EPG5: variants seen among roughly 807,000 people sequenced by gnomAD.
EPG5 encodes ectopic P granules protein 5 homolog.
EPG5 carries 159 observed loss-of-function variants against 302.7 expected under a neutral mutation model. The ratio of observed to expected loss-of-function variants is 0.53; its 90% CI spans 0.46 to 0.60. The LOEUF (loss-of-function observed/expected upper bound fraction) is 0.60. Ranked by LOEUF, EPG5 falls within the 20% of genes least tolerant of loss-of-function variation. The probability of loss-of-function intolerance (pLI) is 0.00; values close to 1 mark genes in which losing one functional copy is unlikely to be tolerated. For synonymous variants in EPG5, 1,158 were observed against 1,136.8 expected, an observed-to-expected ratio of 1.02 and a Z score of -0.37; for missense variants, 2,896 against 3,092.4, an observed-to-expected ratio of 0.94 and a Z score of 1.51.
Position 45,852,546 on chromosome 18 carries a change from A to G in EPG5, c.7661T>C (p.Leu2554Pro). The G allele has an allele frequency of 6.2e-7, 1 of 1,614,194 alleles. No individual in the cohort carries two copies. Among genetic ancestry groups the G allele is most frequent in the Middle Eastern group, 1.6e-4 (1 of 6,062 alleles). ...TQFIRHPGHC[L>P]QDGKSFLALL... ...AGCCAAGAAGCTTTTCCCATCTTGA[A>G]GGCAATGGCCAGGATGCCTTATAAA... is the stretch of plus-strand genomic sequence containing the variant. Residue 2554 changes from leucine to proline, a missense_variant, in exon 44 of 44, where the codon CTT becomes CCT. Coordinates refer to ENST00000282041, the MANE Select transcript of EPG5 (RefSeq NM_020964.3).
chr18:45,845,755 C>T (rs980833667), downstream of EPG5, among the ~76,000 whole-genome samples: 1 of 152,164 alleles, frequency 6.6e-6, no homozygotes, highest in Non-Finnish European at 1.5e-5. Flanking sequence ...AGGCAGGCTG[C>T]GGCCTGCAGG....
At chr18:45,844,877 T>C (rs1414142022), downstream of EPG5, among the ~76,000 whole-genome samples, 1 of 152,182 alleles carries the variant, frequency 6.6e-6, no homozygotes, top group Non-Finnish European at 1.5e-5. Context: ...ATCTGCCTGG[T>C]CTTTGAGGCC....
In EPG5 at chr18:45,919,808, G is replaced by A. The variant is rs533944833; in HGVS notation, c.3099-1989C>T. Among the ~76,000 whole-genome samples, 54 of 152,198 alleles carry A rather than the reference G, an allele frequency of 3.5e-4. 1 individual carries two copies. The highest frequency in any genetic ancestry group is 1.2e-3 in the African/African-American group (49 of 41,524). ...ATTACAGGCGTGAGCCACTGCACCCGGCCTACATGTGCTCTGACTCACTTA... is the reference window on the plus strand; with the variant it reads ...ATTACAGGCGTGAGCCACTGCACCCAGCCTACATGTGCTCTGACTCACTTA... On this transcript the variant is annotated intron_variant, in intron 16 of 43. Transcript: ENST00000282041.
intron 39 of EPG5, among the ~76,000 whole-genome samples, chr18:45,862,362 T>A (rs1052867119): frequency 3.3e-5 from 5 of 152,196 alleles, no homozygotes; most frequent in Admixed American, 6.5e-5. Flanking sequence ...ATCTTTTTAA[T>A]TTTCACCTTT....
chr18:45,867,319 TTAA>T (rs1226061664), intron 37 of EPG5, among the ~76,000 whole-genome samples: 1 of 152,198 alleles, frequency 6.6e-6, no homozygotes, highest in African/African-American at 2.4e-5. Flanking sequence ...GAAGTAGATA[TTAA>T]TGAGATACAA....
intron 27 of EPG5, among the ~76,000 whole-genome samples, chr18:45,895,753 T>G (rs1002063350): frequency 6.6e-6 from 1 of 152,218 alleles, no homozygotes; most frequent in Non-Finnish European, 1.5e-5. Context: ...CACATCTATA[T>G]AGAGGGCTAC....
At chr18:45,812,176 C>A in the EPG5 span, among the ~76,000 whole-genome samples, 13 of 152,150 alleles carry the variant, frequency 8.5e-5, no homozygotes, top group South Asian at 2.3e-3. Context: ...CATTGCTTCA[C>A]AGAGAATAAA....
chr18:45,884,390 G>A (rs2049172385), intron 30 of EPG5, among the ~76,000 whole-genome samples: 1 of 152,136 alleles, frequency 6.6e-6, no homozygotes, highest in African/African-American at 2.4e-5. Context: ...GGTCCCTGGT[G>A]CCAAAAAGGT....
chr18:45,870,055 CT>C (rs1001395478), intron 36 of EPG5, among the ~76,000 whole-genome samples: 1 of 152,184 alleles, frequency 6.6e-6, no homozygotes, highest in Non-Finnish European at 1.5e-5. Context: ...CATGCACTCT[CT>C]TTTTTTAAGT....
intron 11 of EPG5, among the ~76,000 whole-genome samples, chr18:45,931,078 T>C (rs1306951066): frequency 6.6e-6 from 1 of 152,190 alleles, no homozygotes; most frequent in East Asian, 1.9e-4. Context: ...CCCACATCTG[T>C]CTCAAAAGGT....
chr18:45,880,156 G>A lies in EPG5; in HGVS notation c.5586C>T (p.Ala1862=). ...ACGCTGCCCCCTGCTGGCAGCTGGG[G>A]GCGCAGCAGCCCAGGGCTCTCAGAG... The part of the protein sequence containing the change: ...KATLRALGCC[A]PSCQQGAAST... Residue 1862 remains alanine, a synonymous_variant, in exon 32 of 44, where the codon GCC becomes GCT. Transcript: ENST00000282041. The A allele has an allele frequency of 6.2e-7, 1 of 1,611,794 alleles. No homozygotes were observed. Among genetic ancestry groups the A allele is most frequent in the East Asian group, 2.2e-5 (1 of 44,818 alleles).
At chr18:45,905,878 G>C (rs1050879053) in intron 24 of EPG5, among the ~76,000 whole-genome samples, 1 of 152,178 alleles carries the variant, frequency 6.6e-6, no homozygotes, top group East Asian at 1.9e-4. Flanking sequence ...TGGATGAGGG[G>C]TGTCAAGCAT....
At chr18:45,818,333 A>G in the EPG5 span, among the ~76,000 whole-genome samples, 37 of 152,194 alleles carry the variant, frequency 2.4e-4, 2 homozygotes, top group East Asian at 7.1e-3. Flanking sequence ...GAACATCTAC[A>G]GAATCAAGTC....
At chr18:45,807,398 C>G in the EPG5 span, among the ~76,000 whole-genome samples, 1 of 152,212 alleles carries the variant, frequency 6.6e-6, no homozygotes, top group African/African-American at 2.4e-5. Context: ...CTGGAAAGCG[C>G]CACCTCCTGG....
At chr18:45,801,267 C>T in the EPG5 span, among the ~76,000 whole-genome samples, 1 of 152,130 alleles carries the variant, frequency 6.6e-6, no homozygotes, top group African/African-American at 2.4e-5. Context: ...AACTCCTGAC[C>T]TCAAGTGATC....
chr18:45,837,214 A>C, the EPG5 span: 1 of 1,422,418 alleles, frequency 7.0e-7, no homozygotes, highest in Non-Finnish European at 9.3e-7. Context: ...TATGGGGTCA[A>C]GGGGCCTGCA....
At chr18:45,896,836 C>A (rs72918337) in intron 27 of EPG5, among the ~76,000 whole-genome samples, 14,118 of 152,228 alleles carry the variant, frequency 0.093, 714 homozygotes, top group African/African-American at 0.14. Flanking sequence ...AGTGACCCAC[C>A]ACGCTCAGCC....
rs2050005542 is a variant in EPG5 at position 45,915,417 on chromosome 18, A to T, written c.3693+94T>A. ...TACACTAGAATAAGTGCTAAATAAA[A>T]GTTAGTTTAGACAATTAGTAATTTC... On this transcript the variant is annotated intron_variant, in intron 20 of 43. Coordinates refer to ENST00000282041, the MANE Select transcript of EPG5 (RefSeq NM_020964.3). 5.6e-6 allele frequency: 5 copies of T among 887,220 alleles called. No homozygotes were observed. The East Asian group carries it at 1.2e-4, about 22-fold the overall frequency. 55.0% of individuals were successfully genotyped at this position (887,220 alleles called of 1,614,324 possible).
Position 45,965,140 on chromosome 18 carries a change from TC to T in EPG5, c.63+2036del, listed in dbSNP as rs200196509. Among the ~76,000 whole-genome samples the T allele has an allele frequency of 7.0e-3, 1,058 of 152,174 alleles. 9 individuals are homozygous for T. Among genetic ancestry groups the T allele is most frequent in the African/African-American group, 0.024 (994 of 41,502 alleles). On this transcript the variant is annotated intron_variant, in intron 1 of 43. Transcript: ENST00000282041. The stretch of plus-strand genomic sequence containing the variant: ...AGCCATAAAAAAGAACAAAATCGTG[TC>T]CCCTGCAGCAACATGGATGCAGTTA...
Sources: allele counts gnomAD v4.1 joint callset (sites outside exome capture counted in the v4.1 genomes callset), GRCh38; gene constraint gnomAD v4.1.1; transcripts MANE v1.5; gene names NCBI Gene and HGNC (gene_info 2026-07-23, HGNC 2026-07-21).